ELAPOR1: variants seen among roughly 807,000 people sequenced by gnomAD.
The protein encoded by ELAPOR1 is endosome-lysosome associated apoptosis and autophagy regulator 1.
Under a neutral mutation model 119.7 loss-of-function variants are expected in ELAPOR1, and 77 were observed. The ratio of observed to expected loss-of-function variants is 0.64; its 90% CI spans 0.54 to 0.78. The LOEUF (loss-of-function observed/expected upper bound fraction) is 0.78, where lower values mean the gene tolerates loss of function less well. Ranked by LOEUF, ELAPOR1 falls within the 30% of genes least tolerant of loss-of-function variation. ELAPOR1 has a pLI of 0.00. For synonymous variants in ELAPOR1, 481 were observed against 487.2 expected, an observed-to-expected ratio of 0.99 and a Z score of 0.17; for missense variants, 1,115 against 1,270.4, an observed-to-expected ratio of 0.88 and a Z score of 1.86.
chr1:109,201,418 G>A (rs778620544), intron 21 of ELAPOR1: 5 of 454,760 alleles, frequency 1.1e-5, no homozygotes, highest in Non-Finnish European at 2.2e-5. Flanking sequence ...GTGTGGGTGG[G>A]TGAGTATGAA....
intron 1 of ELAPOR1, among the ~76,000 whole-genome samples, chr1:109,148,530 A>C (rs1340671947): frequency 6.6e-6 from 1 of 152,238 alleles, no homozygotes; most frequent in Non-Finnish European, 1.5e-5. Flanking sequence ...TAAGGACTCC[A>C]TTTGGAGAAA....
chr1:109,177,058 C>G (rs1652339779), intron 7 of ELAPOR1, among the ~76,000 whole-genome samples: 1 of 144,126 alleles, frequency 6.9e-6, no homozygotes, highest in East Asian at 2.0e-4. Flanking sequence ...CCCCACCTTT[C>G]CCCCCTTTCT....
intron 14 of ELAPOR1, 115 bp downstream of exon 14, chr1:109,192,989 A>G (rs1040061631): frequency 3.1e-5 from 37 of 1,203,146 alleles, no homozygotes; most frequent in Non-Finnish European, 4.3e-5. Flanking sequence ...TCCCCCTAGC[A>G]TACTCCTAGG....
chr1:109,166,424 A>G (rs1053245958), intron 3 of ELAPOR1, among the ~76,000 whole-genome samples: 10 of 152,340 alleles, frequency 6.6e-5, no homozygotes, highest in East Asian at 3.9e-4. Flanking sequence ...TGAGACCCCA[A>G]TGACTAGCAA....
chr1:109,181,960 G>A (rs946031510), intron 7 of ELAPOR1, among the ~76,000 whole-genome samples: 7 of 152,168 alleles, frequency 4.6e-5, no homozygotes, highest in Middle Eastern at 3.2e-3. Flanking sequence ...GGAATCAGTT[G>A]AGAAATAAGC....
chr1:109,173,694 C>G lies in ELAPOR1; in HGVS notation c.809C>G (p.Ala270Gly). 1 of 1,614,000 alleles carries G rather than the reference C, an allele frequency of 6.2e-7. No individual in the cohort carries two copies. ...TGCTCTTCCTCCTCCCTAGGGGTGGCCTACACTTCAGAATGCTTCCCCTGC... is the reference window on the plus strand; with the variant it reads ...TGCTCTTCCTCCTCCCTAGGGGTGGGCTACACTTCAGAATGCTTCCCCTGC... ...LVRNIAITGV[A>G]YTSECFPCKP... Residue 270 changes from alanine to glycine, a missense_variant, in exon 7 of 22, where the codon GCC (alanine) becomes GGC (glycine). Physicochemically the swap from Ala to Gly is moderately conservative, Grantham distance 60. Transcript: ENST00000369939.
Position 109,188,237 on chromosome 1 carries a change from G to C in ELAPOR1, c.1102G>C (p.Val368Leu). ...CTGTAGCGAGGACCTTGAGGGGGCA[G>C]TGAAGCTGCCTGCCTCTGGTGTGAA... is the stretch of plus-strand genomic sequence containing the variant. The part of the protein sequence containing the change: ...KICSEDLEGA[V>L]KLPASGVKTH... Residue 368 changes from valine (V) to leucine (L), a missense_variant, in exon 9 of 22, where the codon GTG (valine) becomes CTG (leucine). Val to Leu is a conservative substitution (Grantham distance 32, BLOSUM62 1). Transcript: ENST00000369939. 1 of 1,614,152 alleles carries C rather than the reference G, an allele frequency of 6.2e-7. No individual in the cohort carries two copies. The highest frequency in any genetic ancestry group is 8.5e-7 in the Non-Finnish European group (1 of 1,179,970).
intron 8 of ELAPOR1, chr1:109,187,187 C>T (rs1653106029): frequency 3.0e-6 from 3 of 985,448 alleles, no homozygotes; most frequent in African/African-American, 1.7e-5. Flanking sequence ...CAGGATGGCC[C>T]ATCCATTGGG....
At chr1:109,136,507 T>G (rs1233992246) in intron 1 of ELAPOR1, among the ~76,000 whole-genome samples, 2 of 152,148 alleles carry the variant, frequency 1.3e-5, no homozygotes, top group African/African-American at 4.8e-5. Flanking sequence ...TTTCTATTGT[T>G]CAAAGCCACC....
chr1:109,158,517 C>T (rs572167269), intron 1 of ELAPOR1, among the ~76,000 whole-genome samples: 11 of 152,130 alleles, frequency 7.2e-5, no homozygotes, highest in African/African-American at 1.4e-4. Context: ...GGCTGGGTGA[C>T]GCTACGGAAG....
At chr1:109,128,896 T>C (rs1367441291) in intron 1 of ELAPOR1, among the ~76,000 whole-genome samples, 1 of 152,192 alleles carries the variant, frequency 6.6e-6, no homozygotes, top group East Asian at 1.9e-4. Flanking sequence ...TAGAGTGCCA[T>C]TTCCCAGCTT....
intron 11 of ELAPOR1, among the ~76,000 whole-genome samples, chr1:109,189,898 C>T (rs997897128): frequency 6.6e-6 from 1 of 152,062 alleles, no homozygotes; most frequent in African/African-American, 2.4e-5. Flanking sequence ...GCTCTCTCTC[C>T]CGTATAGCTT....
intron 9 of ELAPOR1, 41 bp from the exon 10 acceptor site, chr1:109,189,025 C>T (rs752313675): frequency 4.4e-6 from 7 of 1,606,632 alleles, no homozygotes; most frequent in South Asian, 1.1e-5. Context: ...GTGACTGCAG[C>T]CTTCCCACTG....
chr1:109,161,614 G>A (rs1272909349), intron 1 of ELAPOR1: 1 of 221,448 alleles, frequency 4.5e-6, no homozygotes, highest in Non-Finnish European at 9.0e-6. Context: ...CCTTTCCCAC[G>A]TTCCTCTGCT....
rs919722054 is a variant in ELAPOR1 at position 109,196,539 on chromosome 1, C to T, written c.2122-935C>T. Among the ~76,000 whole-genome samples the T allele has an allele frequency of 2.6e-5, 4 of 151,890 alleles. No individual in the cohort carries two copies. The East Asian group carries it at 7.7e-4, about 29-fold the overall frequency. ...TCTACTCCTTTCCTGTTTAGAAATG[C>T]TTATGATGTACTGCCACACGATAGA... On this transcript the variant is annotated intron_variant, in intron 15 of 21. Transcript: ENST00000369939.
In ELAPOR1 at chr1:109,199,923, G is replaced by C. The variant is rs187543042; in HGVS notation, c.2571G>C (p.Pro857=). The change falls in exon 19 of 22, where the codon CCG becomes CCC. Residue 857 remains proline, a synonymous_variant. Transcript: ENST00000369939. ...TGTGGGAGAGCGCGGCTGCTTGCCC[G>C]CTCTGCTCAGTGGCTGACTACCATG... ...HFLWESAAAC[P]LCSVADYHAI... is the part of the protein sequence containing the mutation. 2 of 1,613,960 alleles carry C rather than the reference G, an allele frequency of 1.2e-6. No individual in the cohort carries two copies. The highest frequency in any genetic ancestry group is 2.2e-5 in the South Asian group (2 of 91,078).
intron 7 of ELAPOR1, 33 bp downstream of exon 7, chr1:109,173,870 A>T (rs199565412): frequency 1.2e-6 from 2 of 1,609,730 alleles, no homozygotes; most frequent in South Asian, 1.1e-5. Flanking sequence ...GAGTTTGGGG[A>T]TAGAGAGTAC....
At chr1:109,164,457 A>T in intron 2 of ELAPOR1, 42 bp from the exon 3 acceptor site, 2 of 1,560,702 alleles carry the variant, frequency 1.3e-6, no homozygotes, top group Non-Finnish European at 1.7e-6. Flanking sequence ...CTGGGGCTGC[A>T]GTGACCTCAC....
chr1:109,180,425 C>T (rs974627362), intron 7 of ELAPOR1, among the ~76,000 whole-genome samples: 1 of 151,950 alleles, frequency 6.6e-6, no homozygotes, highest in African/African-American at 2.4e-5. Context: ...GAGGATCGTT[C>T]AAGCCCAGGA....
Sources: gnomAD v4.1 joint callset for allele counts (sites outside exome capture counted in the v4.1 genomes callset) on GRCh38, gnomAD v4.1.1 for gene constraint, MANE v1.5 for transcripts, NCBI Gene and HGNC (gene_info 2026-07-23, HGNC 2026-07-21) for gene names.